Variants in TYW1B observed in about 807,000 individuals in gnomAD.
The protein encoded by TYW1B is tRNA-yW synthesizing protein 1 homolog B.
Under a neutral mutation model 86.9 loss-of-function variants are expected in TYW1B, and 73 were observed. That is an observed-to-expected ratio of 0.84 (90% confidence interval 0.70 to 1.02). The LOEUF is 1.02. Ranked by LOEUF, TYW1B falls within the 50% of genes least tolerant of loss-of-function variation. TYW1B has a pLI of 0.00. For synonymous variants in TYW1B, 248 were observed against 292.8 expected (o/e 0.85, Z 1.56); for missense variants, 637 against 827.4 (o/e 0.77, Z 2.82).
chr7:72,637,694 A>T (rs1412495856), intron 11 of TYW1B, among the ~76,000 whole-genome samples: 3 of 149,892 alleles, frequency 2.0e-5, no homozygotes, highest in African/African-American at 4.9e-5. Context: ...TTCTTTTTAA[A>T]AAAAAAAAAA....
chr7:72,744,479 C>G lies in TYW1B; in HGVS notation c.1082+5G>C. 1.2e-6 allele frequency: 2 copies of G among 1,613,380 alleles called. No homozygotes were observed. Among genetic ancestry groups the G allele is most frequent in the Non-Finnish European group, 1.7e-6 (2 of 1,179,400 alleles). On this transcript the variant is annotated splice_donor_5th_base_variant and intron_variant, in intron 8 of 13. Transcript: ENST00000620995. ...CGATCACCATGACCTTTCATTTTTA[C>G]TTACCACCAACAGAAGACACATTTA...
chr7:72,593,474 A>C (rs1319059490), intron 13 of TYW1B, among the ~76,000 whole-genome samples: 1 of 152,090 alleles, frequency 6.6e-6, no homozygotes, highest in Non-Finnish European at 1.5e-5. Context: ...CTAGATTCAA[A>C]AACATAGATA....
At chr7:72,770,523 C>T (rs782215501) in intron 7 of TYW1B, among the ~76,000 whole-genome samples, 5 of 151,614 alleles carry the variant, frequency 3.3e-5, no homozygotes, top group Non-Finnish European at 4.4e-5. Flanking sequence ...GACAATACCA[C>T]ATGATGGTGA....
At chr7:72,590,065 G>A (rs1424605469) in intron 13 of TYW1B, among the ~76,000 whole-genome samples, 2 of 152,196 alleles carry the variant, frequency 1.3e-5, no homozygotes, top group Admixed American at 6.5e-5. Context: ...GGAGTAGAAA[G>A]CACGAGGAAT....
At chr7:72,578,807 C>T (rs1350635872) in intron 13 of TYW1B, among the ~76,000 whole-genome samples, 1 of 152,150 alleles carries the variant, frequency 6.6e-6, no homozygotes, top group Non-Finnish European at 1.5e-5. Context: ...TGATAAATCA[C>T]AGAAGCTTGG....
At chr7:72,701,176 T>A (rs1482461371) in intron 10 of TYW1B, among the ~76,000 whole-genome samples, 4 of 152,214 alleles carry the variant, frequency 2.6e-5, no homozygotes, top group African/African-American at 9.6e-5. Context: ...TCCTTGTAGA[T>A]GGATTCTATT....
chr7:72,586,229 T>A (rs1323188401), intron 13 of TYW1B, among the ~76,000 whole-genome samples: 1 of 152,134 alleles, frequency 6.6e-6, no homozygotes, highest in Non-Finnish European at 1.5e-5. Flanking sequence ...AGCTAACTTC[T>A]CCCAGCAGGG....
chr7:72,654,471 G>A (rs1554443334), intron 11 of TYW1B, among the ~76,000 whole-genome samples: 1 of 152,226 alleles, frequency 6.6e-6, no homozygotes, highest in African/African-American at 2.4e-5. Flanking sequence ...GAAGCCTAAG[G>A]AAGTAAGTCC....
chr7:72,818,881 A>G (rs1181407959), intron 2 of TYW1B, among the ~76,000 whole-genome samples: 8 of 152,184 alleles, frequency 5.3e-5, no homozygotes, highest in African/African-American at 1.7e-4. Context: ...TAAACCACTC[A>G]TGCGAAATCT....
chr7:72,690,805 T>C (rs1814133556), intron 11 of TYW1B, among the ~76,000 whole-genome samples: 1 of 152,196 alleles, frequency 6.6e-6, no homozygotes, highest in African/African-American at 2.4e-5. Context: ...TGGAGTTCAA[T>C]GGTGTGATCT....
chr7:72,793,299 T>A (rs35517441), intron 6 of TYW1B, among the ~76,000 whole-genome samples: 2 of 150,956 alleles, frequency 1.3e-5, no homozygotes, highest in Admixed American at 1.3e-4. Context: ...ATCGCATCAC[T>A]GCACTCCAGC....
chr7:72,635,191 T>C (rs1198057290), intron 11 of TYW1B, among the ~76,000 whole-genome samples: 3 of 152,186 alleles, frequency 2.0e-5, no homozygotes, highest in Non-Finnish European at 4.4e-5. Flanking sequence ...TTATTTAACA[T>C]ATGGATAGTC....
intron 11 of TYW1B, among the ~76,000 whole-genome samples, chr7:72,668,934 C>T (rs782033918): frequency 1.3e-5 from 2 of 152,122 alleles, no homozygotes; most frequent in Non-Finnish European, 2.9e-5. Flanking sequence ...CTGTCTCCCA[C>T]ACAAACAATT....
chr7:72,742,527 G>C (rs559253173), intron 8 of TYW1B, among the ~76,000 whole-genome samples: 1 of 152,178 alleles, frequency 6.6e-6, no homozygotes, highest in Non-Finnish European at 1.5e-5. Context: ...TGGGCATACA[G>C]TATATAAAGT....
chr7:72,815,521 GAGCCAAATAT>G, intron 2 of TYW1B, 40 bp from the exon 3 acceptor site: 1 of 1,567,356 alleles, frequency 6.4e-7, no homozygotes, highest in Non-Finnish European at 8.7e-7. Context: ...AGTCTTCAAT[GAGCCAAATAT>G]AGCCCTCATT....
chr7:72,658,033 A>G (rs1407741620), intron 11 of TYW1B, among the ~76,000 whole-genome samples: 1 of 152,192 alleles, frequency 6.6e-6, no homozygotes, highest in African/African-American at 2.4e-5. Flanking sequence ...AGGCAGGTGG[A>G]TCATGAGGTC....
At chr7:72,745,439 A>G (rs1787377079) in intron 7 of TYW1B, among the ~76,000 whole-genome samples, 1 of 152,164 alleles carries the variant, frequency 6.6e-6, no homozygotes, top group Non-Finnish European at 1.5e-5. Context: ...ATAAAAACAA[A>G]TATCACGAGT....
At chr7:72,721,535 A>G (rs1381252833) in intron 9 of TYW1B, among the ~76,000 whole-genome samples, 1 of 152,170 alleles carries the variant, frequency 6.6e-6, no homozygotes, top group Non-Finnish European at 1.5e-5. Context: ...TGGAGAAGAA[A>G]GAAAGAGTCC....
intron 8 of TYW1B, among the ~76,000 whole-genome samples, chr7:72,743,010 C>T (rs1787332033): frequency 6.6e-6 from 1 of 152,042 alleles, no homozygotes; most frequent in Non-Finnish European, 1.5e-5. Context: ...GCTAATAGTG[C>T]CATTACCCAA....
Sources: allele counts gnomAD v4.1 joint callset (sites outside exome capture counted in the v4.1 genomes callset), GRCh38; gene constraint gnomAD v4.1.1; transcripts MANE v1.5; gene names NCBI Gene and HGNC (gene_info 2026-07-23, HGNC 2026-07-21).